The following CASP10 variants were observed in gnomAD, a reference collection of about 807,000 sequenced individuals.
The protein encoded by CASP10 is caspase 10.
Under a neutral mutation model 48.5 loss-of-function variants are expected in CASP10, and 41 were observed. That is an observed-to-expected ratio of 0.85 (90% confidence interval 0.66 to 1.10). The LOEUF (loss-of-function observed/expected upper bound fraction) is 1.10. Ranked by LOEUF, CASP10 falls within the 50% of genes least tolerant of loss-of-function variation. The pLI is 0.00. For missense variants in CASP10, 614 were observed against 614.5 expected (o/e 1.00, Z 0.01); for synonymous variants, 232 against 238.4 (o/e 0.97, Z 0.25).
rs540942211 is a variant in CASP10, at chr2:201,218,762, C to G, written c.*1021C>G. 4 of 985,524 alleles carry G rather than the reference C, an allele frequency of 4.1e-6. No individual in the cohort carries two copies. The highest frequency in any genetic ancestry group is 4.8e-6 in the Non-Finnish European group (4 of 830,002). The allele number at this position is 985,524 out of a possible 1,614,324, so 61.0% of individuals were successfully genotyped here. On this transcript the variant is annotated 3_prime_UTR_variant, in exon 10 of 10. Coordinates refer to ENST00000286186, the MANE Select transcript of CASP10 (RefSeq NM_032977.4). Reference sequence around the variant, plus strand: ...GGACAGTGAGGTCACAGTCCACCCACCCTCTCTCTGATCTCCCCCTTCCTA... The same window carrying G: ...GGACAGTGAGGTCACAGTCCACCCAGCCTCTCTCTGATCTCCCCCTTCCTA...
intron 5 of CASP10, among the ~76,000 whole-genome samples, chr2:201,201,148 C>T (rs1323593320): frequency 1.3e-5 from 2 of 152,116 alleles, no homozygotes; most frequent in African/African-American, 4.8e-5. Flanking sequence ...CTCCCGGGTT[C>T]AAATGATTCT....
downstream of CASP10, among the ~76,000 whole-genome samples, chr2:201,222,414 G>C (rs1230853230): frequency 1.3e-5 from 2 of 151,886 alleles, no homozygotes; most frequent in Non-Finnish European, 2.9e-5. Context: ...ACAGGGTTTT[G>C]CCATTTTGGC....
Position 201,220,885 on chromosome 2 carries a change from G to A in CASP10, c.*3144G>A. ...TACTGAGGAAAGAGCAAAGGATCTG[G>A]AGATCAAAGCCCTGCATTTCCATTT... On this transcript the variant is annotated 3_prime_UTR_variant, in exon 10 of 10. Coordinates refer to ENST00000286186, the MANE Select transcript of CASP10 (RefSeq NM_032977.4). 1.0e-6 allele frequency: 1 copy of A among 985,484 alleles called. No homozygotes were observed. Among genetic ancestry groups the A allele is most frequent in the Middle Eastern group, 5.2e-4 (1 of 1,914 alleles). 61.0% of individuals were successfully genotyped at this position (985,484 alleles called of 1,614,324 possible). A position where few individuals can be genotyped will look rare whatever the true frequency, so the allele number is the denominator to read the frequency against.
At position 201,195,917 on chromosome 2, in the gene CASP10, C is replaced by A. The variant is rs1476619928; in HGVS notation, c.653C>A (p.Thr218Lys). 6.2e-7 allele frequency: 1 copy of A among 1,613,884 alleles called. No homozygotes were observed. The highest frequency in any genetic ancestry group is 1.3e-5 in the African/African-American group (1 of 75,024). ...YQGEEELVSQ[T>K]DVKTFLEALP... is the part of the protein sequence containing the mutation. Reference sequence around the variant, plus strand: ...GGAGAGGAAGAACTAGTTTCCCAAACAGATGTTAAGACATTCTTGGAAGCC... The same window carrying A: ...GGAGAGGAAGAACTAGTTTCCCAAAAAGATGTTAAGACATTCTTGGAAGCC... The change falls in exon 5 of 10, where the codon ACA becomes AAA. Residue 218 changes from threonine (T) to lysine (K), a missense_variant. Physicochemically the swap from Thr to Lys is moderately conservative, Grantham distance 78 (BLOSUM62 -1). Transcript: ENST00000286186.
intron 7 of CASP10, among the ~76,000 whole-genome samples, chr2:201,207,725 C>T (rs1386549129): frequency 1.3e-5 from 2 of 151,704 alleles, no homozygotes; most frequent in African/African-American, 4.8e-5. Flanking sequence ...CCATTGCACT[C>T]CAGCCTGGGT....
chr2:201,227,776 G>T (rs1945807344), intron 9 of CASP10, among the ~76,000 whole-genome samples: 2 of 151,848 alleles, frequency 1.3e-5, no homozygotes, highest in Admixed American at 1.3e-4. Context: ...AGCCAGGATG[G>T]TGTTGATCTC....
intron 2 of CASP10, 88 bp downstream of exon 2, chr2:201,186,212 G>A: frequency 1.0e-6 from 1 of 965,008 alleles, no homozygotes; most frequent in Non-Finnish European, 1.7e-6. Flanking sequence ...CTGCAGTTAA[G>A]ATCTTTTGGT....
At position 201,191,916 on chromosome 2, in the gene CASP10, T is replaced by C. The variant is rs1944625431; in HGVS notation, c.442-1068T>C. On this transcript the variant is annotated intron_variant, in intron 3 of 9. Coordinates refer to ENST00000286186, the MANE Select transcript of CASP10 (RefSeq NM_032977.4). ...AAAAAGCAAAAAAAGAACTTTCAGA[T>C]GTTTGCTGCTAGTATTTGCCAGAGT... Among the ~76,000 whole-genome samples the C allele has an allele frequency of 5.9e-5, 9 of 152,194 alleles. 1 individual carries two copies. The highest frequency in any genetic ancestry group is 5.9e-4 in the Admixed American group (9 of 15,282).
chr2:201,215,244 A>G (rs1358830383), intron 9 of CASP10, among the ~76,000 whole-genome samples: 1 of 126,310 alleles, frequency 7.9e-6, no homozygotes, highest in Non-Finnish European at 1.7e-5. Flanking sequence ...TTTGCCGTGC[A>G]AAAGGGTTTT....
At chr2:201,202,798 G>C (rs1281413296) in intron 5 of CASP10, among the ~76,000 whole-genome samples, 1 of 152,194 alleles carries the variant, frequency 6.6e-6, no homozygotes, top group Non-Finnish European at 1.5e-5. Context: ...TAGGGGGAAG[G>C]GGGTGATGGT....
At chr2:201,198,370 C>T (rs190059488) in intron 5 of CASP10, among the ~76,000 whole-genome samples, 36 of 150,358 alleles carry the variant, frequency 2.4e-4, no homozygotes, top group East Asian at 3.9e-4. Flanking sequence ...ATTACAGGCG[C>T]GCATCAACAC....
intron 4 of CASP10, among the ~76,000 whole-genome samples, chr2:201,194,087 TTGTGTGTGTGTGTG>T (rs139975621): frequency 3.1e-4 from 46 of 148,468 alleles, no homozygotes; most frequent in African/African-American, 8.2e-4. Context: ...CTTTATTTTC[TTGTGTGTGTGTGTG>T]TGTGTGTGTG....
downstream of CASP10, among the ~76,000 whole-genome samples, chr2:201,224,128 C>T (rs1490416093): frequency 2.6e-5 from 4 of 152,044 alleles, no homozygotes; most frequent in African/African-American, 4.8e-5. Flanking sequence ...CCCGCTACCA[C>T]GCCCAGCTAA....
chr2:201,187,645 T>C, intron 2 of CASP10, 61 bp from the exon 3 acceptor site: 1 of 1,153,106 alleles, frequency 8.7e-7, no homozygotes, highest in Non-Finnish European at 1.3e-6. Context: ...AAGCACTTGA[T>C]TGATTATGGT....
chr2:201,191,270 A>G (rs1299293161), intron 3 of CASP10, among the ~76,000 whole-genome samples: 1 of 152,130 alleles, frequency 6.6e-6, no homozygotes, highest in Non-Finnish European at 1.5e-5. Context: ...TGTTTTTCTC[A>G]GTATAACAGT....
In CASP10 at chr2:201,185,891, C is replaced by A. The variant is rs773803576; in HGVS notation, c.114C>A (p.Asn38Lys). The change falls in exon 2 of 10, where the codon AAC becomes AAA. Residue 38 changes from asparagine to lysine, a missense_variant. Coordinates refer to ENST00000286186, the MANE Select transcript of CASP10 (RefSeq NM_032977.4). ...DSNLGVQDVE[N>K]LKFLCIGLVP... is the part of the protein sequence containing the mutation. ...ACCTGGGGGTCCAAGATGTGGAGAA[C>A]CTCAAGTTTCTCTGCATAGGATTGG... 1.2e-6 allele frequency: 2 copies of A among 1,613,746 alleles called. No homozygotes were observed. Among genetic ancestry groups the A allele is most frequent in the South Asian group, 2.2e-5 (2 of 91,064 alleles).
intron 7 of CASP10, among the ~76,000 whole-genome samples, chr2:201,207,178 G>T (rs1001701545): frequency 1.3e-5 from 2 of 152,114 alleles, no homozygotes; most frequent in Non-Finnish European, 2.9e-5. Context: ...TGGGCTCTAG[G>T]ACTTAAAAAA....
chr2:201,215,043 C>T lies in CASP10; in HGVS notation c.1416-2545C>T, dbSNP rs544186280. 326 of 152,012 alleles carry T rather than the reference C, an allele frequency of 2.1e-3. 1 individual carries two copies. Among genetic ancestry groups the T allele is most frequent in the African/African-American group, 7.5e-3 (310 of 41,462 alleles). The allele number at this position is 152,012 out of a possible 1,614,324, so 9.4% of individuals were successfully genotyped here. ...TTATACCTGTGGACCATTTGTATGT[C>T]TTCTTTTGAGAAATGTCTGTTAAAG... On this transcript the variant is annotated intron_variant, in intron 9 of 9. Coordinates refer to ENST00000286186, the MANE Select transcript of CASP10 (RefSeq NM_032977.4).
In CASP10 at chr2:201,185,745, C is replaced by G. The variant is rs774630500; in HGVS notation, c.-7-26C>G. On this transcript the variant is annotated intron_variant, in intron 1 of 9. Transcript: ENST00000286186. Reference sequence around the variant, plus strand: ...CCATATGTCCTCACTCTCTAACTCCCTGCCCCACCTCTCTGTCCCTTTCAG... The same window carrying G: ...CCATATGTCCTCACTCTCTAACTCCGTGCCCCACCTCTCTGTCCCTTTCAG... The G allele has an allele frequency of 2.0e-6, 3 of 1,493,728 alleles. No homozygotes were observed. In the Admixed American group the frequency reaches 5.0e-5, roughly 25 times the overall value. 92.5% of individuals were successfully genotyped at this position (1,493,728 alleles called of 1,614,324 possible). A position where few individuals can be genotyped will look rare whatever the true frequency, so the allele number is the denominator to read the frequency against.
Sources: allele counts gnomAD v4.1 joint callset (sites outside exome capture counted in the v4.1 genomes callset), GRCh38; gene constraint gnomAD v4.1.1; transcripts MANE v1.5; gene names NCBI Gene and HGNC (gene_info 2026-07-23, HGNC 2026-07-21).